The following VAV2 variants were observed in gnomAD, a reference collection of about 807,000 sequenced individuals.
The protein encoded by VAV2 is vav guanine nucleotide exchange factor 2.
VAV2 carries 67 observed loss-of-function variants against 132.5 expected under a neutral mutation model. That is an observed-to-expected ratio of 0.51 (90% confidence interval 0.42 to 0.62). VAV2 has a LOEUF of 0.62. Among genes scored for constraint, VAV2 ranks in the 20% least tolerant of loss-of-function variants. The pLI is 0.00. For synonymous variants in VAV2, 492 were observed against 443.5 expected, an observed-to-expected ratio of 1.11 and a Z score of -1.37; for missense variants, 938 against 1,153.6, an observed-to-expected ratio of 0.81 and a Z score of 2.71.
chr9:133,939,307 C>T, intron 1 of VAV2, 88 bp from the exon 2 acceptor site: 1 of 1,193,396 alleles, frequency 8.4e-7, no homozygotes, highest in Non-Finnish European at 1.2e-6. Context: ...GCAGCAAGCT[C>T]TGGCTTCCGT....
chr9:133,809,483 C>G (rs1373944625), intron 6 of VAV2, among the ~76,000 whole-genome samples: 9 of 152,226 alleles, frequency 5.9e-5, no homozygotes, highest in Admixed American at 2.0e-4. Flanking sequence ...GAAGCTACCC[C>G]CTCCAGCACA....
At chr9:133,862,411 C>T (rs1040225216) in intron 2 of VAV2, among the ~76,000 whole-genome samples, 3 of 152,232 alleles carry the variant, frequency 2.0e-5, no homozygotes, top group South Asian at 2.1e-4. Context: ...AGCTCCTGAG[C>T]GACAGACTCA....
chr9:133,888,102 G>A (rs528440210), intron 2 of VAV2, among the ~76,000 whole-genome samples: 192 of 152,262 alleles, frequency 1.3e-3, no homozygotes, highest in African/African-American at 3.9e-3. Context: ...CAAATACCAC[G>A]GGACTCCCTA....
intron 1 of VAV2, among the ~76,000 whole-genome samples, chr9:133,978,927 G>A (rs987923186): frequency 4.6e-5 from 7 of 152,264 alleles, no homozygotes; most frequent in African/African-American, 1.7e-4. Flanking sequence ...GCCTGGGGCT[G>A]GCCCCGGTGA....
At chr9:133,874,678 T>A (rs1010269081) in intron 2 of VAV2, among the ~76,000 whole-genome samples, 3 of 152,096 alleles carry the variant, frequency 2.0e-5, no homozygotes, top group Non-Finnish European at 4.4e-5. Context: ...TACACAGATG[T>A]CTTGCCCCCT....
At chr9:133,951,953 T>C (rs936471541) in intron 1 of VAV2, among the ~76,000 whole-genome samples, 1 of 152,072 alleles carries the variant, frequency 6.6e-6, no homozygotes, top group African/African-American at 2.4e-5. Flanking sequence ...CGTGGTCAGG[T>C]TCCAGTGGCT....
At chr9:133,848,702 T>C (rs982699851) in intron 3 of VAV2, among the ~76,000 whole-genome samples, 2 of 152,194 alleles carry the variant, frequency 1.3e-5, no homozygotes, top group African/African-American at 4.8e-5. Flanking sequence ...CGGGCATCTT[T>C]GGGGAAAGAA....
At chr9:133,987,529 C>T (rs904927129) in intron 1 of VAV2, among the ~76,000 whole-genome samples, 1 of 152,234 alleles carries the variant, frequency 6.6e-6, no homozygotes, top group African/African-American at 2.4e-5. Context: ...CTGGCGTGTC[C>T]GGGAAGAGGC....
In VAV2 at chr9:133,873,145, A is replaced by C. The variant is rs572053546; in HGVS notation, c.322-11713T>G. Among the ~76,000 whole-genome samples, 3 of 151,936 alleles carry C rather than the reference A, an allele frequency of 2.0e-5. No homozygotes were observed. The East Asian group carries it at 5.8e-4, about 29-fold the overall frequency. ...GAGGGAGGAAGGAAGACAGGAAAACACACAACAGCAACTGGGCTCACATGT... is the reference window on the plus strand; with the variant it reads ...GAGGGAGGAAGGAAGACAGGAAAACCCACAACAGCAACTGGGCTCACATGT... On this transcript the variant is annotated intron_variant, in intron 2 of 29. Coordinates refer to ENST00000371850, the MANE Select transcript of VAV2 (RefSeq NM_001134398.2).
chr9:133,789,153 C>T, intron 14 of VAV2, 105 bp downstream of exon 14: 8 of 1,248,128 alleles, frequency 6.4e-6, no homozygotes, highest in Non-Finnish European at 9.0e-6. Context: ...GCAGCTCTTT[C>T]CACAGGAAGG....
intron 2 of VAV2, among the ~76,000 whole-genome samples, chr9:133,903,656 A>T (rs1466376184): frequency 1.3e-5 from 2 of 152,182 alleles, no homozygotes; most frequent in East Asian, 3.8e-4. Flanking sequence ...TTTGAACCAT[A>T]AAGAAATTTA....
chr9:133,946,541 G>A (rs1362263708), intron 1 of VAV2, among the ~76,000 whole-genome samples: 1 of 152,214 alleles, frequency 6.6e-6, no homozygotes, highest in African/African-American at 2.4e-5. Context: ...GATAGACATA[G>A]TGCGTTTTCT....
chr9:133,959,249 C>G (rs1025932071), intron 1 of VAV2, among the ~76,000 whole-genome samples: 5 of 152,190 alleles, frequency 3.3e-5, no homozygotes. Context: ...CTGGCTGTCA[C>G]CTGGGGCAGC....
At chr9:133,796,069 C>A (rs1247556237) in intron 11 of VAV2, among the ~76,000 whole-genome samples, 3 of 152,368 alleles carry the variant, frequency 2.0e-5, no homozygotes, top group Admixed American at 2.0e-4. Flanking sequence ...CAGAAACCAC[C>A]GCCTTCCCTC....
intron 2 of VAV2, among the ~76,000 whole-genome samples, chr9:133,882,879 C>T (rs866936519): frequency 2.0e-5 from 3 of 152,120 alleles, no homozygotes; most frequent in East Asian, 1.9e-4. Flanking sequence ...GAGCAGGGGG[C>T]GACAGCTGAG....
chr9:133,943,510 A>G (rs1633757), intron 1 of VAV2, among the ~76,000 whole-genome samples: 1 of 152,164 alleles, frequency 6.6e-6, no homozygotes, highest in African/African-American at 2.4e-5. Flanking sequence ...GGGACCCCCC[A>G]CAAAGGCAGC....
At chr9:133,784,190 G>C in intron 18 of VAV2, 127 bp downstream of exon 18, 3 of 1,021,914 alleles carry the variant, frequency 2.9e-6, no homozygotes, top group Non-Finnish European at 1.5e-6. Flanking sequence ...GACTCTTGTG[G>C]GGTATACTCC....
At chr9:133,904,191 T>C (rs1588344712) in intron 2 of VAV2, among the ~76,000 whole-genome samples, 1 of 152,188 alleles carries the variant, frequency 6.6e-6, no homozygotes, top group East Asian at 1.9e-4. Context: ...AGCGCCAGGC[T>C]CTCCCCCAGA....
At chr9:133,870,007 T>C (rs1837964248) in intron 2 of VAV2, among the ~76,000 whole-genome samples, 1 of 152,242 alleles carries the variant, frequency 6.6e-6, no homozygotes. Context: ...ATCCTTCATT[T>C]TTTTTTCTTT....
Sources: gnomAD v4.1 joint callset for allele counts (sites outside exome capture counted in the v4.1 genomes callset) on GRCh38, gnomAD v4.1.1 for gene constraint, MANE v1.5 for transcripts, NCBI Gene and HGNC (gene_info 2026-07-23, HGNC 2026-07-21) for gene names.